TRIM33: variants seen among roughly 807,000 people sequenced by gnomAD.
The protein encoded by TRIM33 is tripartite motif containing 33, also known as E3 ubiquitin-protein ligase TRIM33.
A neutral mutation model predicts 125.4 loss-of-function variants in TRIM33; 20 were observed. The observed-to-expected ratio is 0.16, with a 90% CI of 0.11 to 0.23. The LOEUF is 0.23. Among genes scored for constraint, TRIM33 ranks in the 10% least tolerant of loss-of-function variants. The pLI is 1.00. For missense variants in TRIM33, 920 were observed against 1,411.4 expected (o/e 0.65, Z 5.58); for synonymous variants, 564 against 513.9 (o/e 1.10, Z -1.32).
chr1:114,429,107 G>GA (rs553064814), intron 6 of TRIM33, among the ~76,000 whole-genome samples: 5 of 151,926 alleles, frequency 3.3e-5, no homozygotes, highest in African/African-American at 1.2e-4. Context: ...CTTTTGGGGG[G>GA]AAAAACCTAT....
chr1:114,496,624 T>C (rs1255817670), intron 1 of TRIM33, among the ~76,000 whole-genome samples: 2 of 152,216 alleles, frequency 1.3e-5, no homozygotes, highest in Non-Finnish European at 2.9e-5. Flanking sequence ...TATCTACAAA[T>C]TCAAAATATA....
At chr1:114,436,259 C>A (rs755585255) in intron 4 of TRIM33, among the ~76,000 whole-genome samples, 2 of 151,204 alleles carry the variant, frequency 1.3e-5, no homozygotes, top group Non-Finnish European at 3.0e-5. Context: ...AAAATTAGCC[C>A]GGCATGGTGG....
chr1:114,468,247 G>A (rs115093396), intron 1 of TRIM33: 7,858 of 232,880 alleles, frequency 0.034, 169 homozygotes, highest in Non-Finnish European at 0.035. Context: ...CAGGAGCAGC[G>A]CTGCTGCTGG....
chr1:114,412,616 A>G (rs900696067), intron 11 of TRIM33, among the ~76,000 whole-genome samples: 1 of 152,168 alleles, frequency 6.6e-6, no homozygotes, highest in African/African-American at 2.4e-5. Context: ...TTTGAATTAT[A>G]TACTGTACGC....
intron 18 of TRIM33, among the ~76,000 whole-genome samples, chr1:114,398,721 T>C (rs1014838036): frequency 6.6e-6 from 1 of 151,560 alleles, no homozygotes; most frequent in Non-Finnish European, 1.5e-5. Flanking sequence ...TAAAGAGACT[T>C]TAGTATTAAT....
intron 17 of TRIM33, 138 bp from the exon 18 acceptor site, chr1:114,399,747 T>C: frequency 1.5e-6 from 1 of 652,090 alleles, no homozygotes; most frequent in East Asian, 2.8e-5. Flanking sequence ...TATAGACGTA[T>C]GTACTTTACA....
intron 4 of TRIM33, among the ~76,000 whole-genome samples, chr1:114,439,852 G>C (rs1339249789): frequency 6.6e-6 from 1 of 152,152 alleles, no homozygotes; most frequent in Non-Finnish European, 1.5e-5. Flanking sequence ...CAGATTTCTT[G>C]ATGGAAACAA....
chr1:114,427,652 C>T, intron 7 of TRIM33, 96 bp downstream of exon 7: 4 of 1,327,138 alleles, frequency 3.0e-6, no homozygotes, highest in Non-Finnish European at 4.1e-6. Context: ...GTTACATTTG[C>T]CAAAATTAAA....
In TRIM33 at chr1:114,510,952, A is replaced by G; in HGVS notation, c.125T>C (p.Leu42Pro). Residue 42 changes from leucine to proline, a missense_variant, in exon 1 of 20, where the codon CTG (leucine) becomes CCG (proline). By Grantham distance (98) the Leu-to-Pro change is moderately conservative. Coordinates refer to ENST00000358465, the MANE Select transcript of TRIM33 (RefSeq NM_015906.4). ...GCCTTCCTCCTCCTCCTCCTCCACCAGCACCGCGGTGAGAGGCGGCTCCGC... is the reference window on the plus strand; with the variant it reads ...GCCTTCCTCCTCCTCCTCCTCCACCGGCACCGCGGTGAGAGGCGGCTCCGC... Reference protein sequence around the residue: ...QEAEPPLTAVLVEEEEEEGGR... With the variant: ...QEAEPPLTAVPVEEEEEEGGR... The G allele has an allele frequency of 7.2e-7, 1 of 1,394,316 alleles. No individual in the cohort carries two copies. Among genetic ancestry groups the G allele is most frequent in the Non-Finnish European group, 9.3e-7 (1 of 1,075,150 alleles). 86.4% of individuals were successfully genotyped at this position (1,394,316 alleles called of 1,614,324 possible).
intron 11 of TRIM33, among the ~76,000 whole-genome samples, chr1:114,416,449 C>A (rs1297491269): frequency 6.6e-6 from 1 of 152,120 alleles, no homozygotes; most frequent in Admixed American, 6.5e-5. Context: ...ACTATATCAC[C>A]ATTAATACAT....
Position 114,477,812 on chromosome 1 carries a change from A to G in TRIM33, c.527-13424T>C, listed in dbSNP as rs567095539. Among the ~76,000 whole-genome samples, 12 of 152,344 alleles carry G rather than the reference A, an allele frequency of 7.9e-5. No homozygotes were observed. In the South Asian group the frequency reaches 1.7e-3, roughly 21 times the overall value. ...ACTAAATTTTAAAATTTCATTTTAG[A>G]TAACTAAAAATTAAATCACCACCAG... On this transcript the variant is annotated intron_variant, in intron 1 of 19. Transcript: ENST00000358465.
At chr1:114,492,815 GAACACTT>G (rs1652150374) in intron 1 of TRIM33, among the ~76,000 whole-genome samples, 3 of 152,074 alleles carry the variant, frequency 2.0e-5, no homozygotes, top group Admixed American at 2.0e-4. Context: ...TTCATCTGTT[GAACACTT>G]AACATTATTT....
chr1:114,449,440 T>G (rs1442997746), intron 4 of TRIM33, among the ~76,000 whole-genome samples: 1 of 152,154 alleles, frequency 6.6e-6, no homozygotes, highest in Non-Finnish European at 1.5e-5. Context: ...GTGGCACTTG[T>G]GGCACTCTCT....
chr1:114,460,565 C>T (rs1009646538), intron 4 of TRIM33, among the ~76,000 whole-genome samples: 6 of 147,364 alleles, frequency 4.1e-5, no homozygotes, highest in African/African-American at 1.5e-4. Context: ...TTTAACACCC[C>T]CCGCCACCTT....
rs751667931 is a variant in TRIM33, at chr1:114,464,256, A to C, written c.645+14T>G. 3 of 1,428,286 alleles carry C rather than the reference A, an allele frequency of 2.1e-6. No individual in the cohort carries two copies. Among genetic ancestry groups the C allele is most frequent in the East Asian group, 2.3e-5 (1 of 43,302 alleles). 88.5% of individuals were successfully genotyped at this position (1,428,286 alleles called of 1,614,324 possible). On this transcript the variant is annotated intron_variant, in intron 2 of 19. Coordinates refer to ENST00000358465, the MANE Select transcript of TRIM33 (RefSeq NM_015906.4). ...TATCAAGATAGGAATATAAAGAAAA[A>C]TTGAGAAGCATACCTGTTCTGATTT...
chr1:114,486,346 A>G (rs1040553286), intron 1 of TRIM33, among the ~76,000 whole-genome samples: 2 of 151,778 alleles, frequency 1.3e-5, no homozygotes, highest in Non-Finnish European at 2.9e-5. Flanking sequence ...GAAAAAAAAG[A>G]CCAATGGAAA....
chr1:114,456,080 A>G (rs185222879), intron 4 of TRIM33, among the ~76,000 whole-genome samples: 1 of 152,314 alleles, frequency 6.6e-6, no homozygotes, highest in Non-Finnish European at 1.5e-5. Context: ...TTAGATTAAA[A>G]CTAGAATGTC....
At chr1:114,505,247 T>G (rs1652926026) in intron 1 of TRIM33, among the ~76,000 whole-genome samples, 1 of 152,184 alleles carries the variant, frequency 6.6e-6, no homozygotes, top group South Asian at 2.1e-4. Flanking sequence ...TAATGACTGG[T>G]TGTTGGTGGA....
At chr1:114,422,386 C>G (rs1647258533) in intron 10 of TRIM33, among the ~76,000 whole-genome samples, 1 of 151,998 alleles carries the variant, frequency 6.6e-6, no homozygotes, top group Middle Eastern at 3.2e-3. Context: ...TACTTGGCCC[C>G]TAGAAATACT....
Sources: allele counts gnomAD v4.1 joint callset (sites outside exome capture counted in the v4.1 genomes callset), GRCh38; gene constraint gnomAD v4.1.1; transcripts MANE v1.5; gene names NCBI Gene and HGNC (gene_info 2026-07-23, HGNC 2026-07-21).